The following AFF1 variants were observed in gnomAD, a reference collection of about 807,000 sequenced individuals.
AFF1 encodes the protein ALF transcription elongation factor 1.
A neutral mutation model predicts 121.7 loss-of-function variants in AFF1; 48 were observed. The ratio of observed to expected loss-of-function variants is 0.39; its 90% CI spans 0.31 to 0.50. The LOEUF (loss-of-function observed/expected upper bound fraction) is 0.50, where lower values mean the gene tolerates loss of function less well. AFF1 is among the 20% of genes least tolerant of loss of function. AFF1 has a pLI of 0.76. For missense variants in AFF1, 1,523 were observed against 1,511.7 expected, an observed-to-expected ratio of 1.01 and a Z score of -0.12; for synonymous variants, 613 against 563.0, an observed-to-expected ratio of 1.09 and a Z score of -1.26.
chr4:86,962,149 T>C lies in AFF1; in HGVS notation c.38+13578T>C, dbSNP rs1277471528. ...TATTTGGAAAAGTTATTGTTTCTTT[T>C]TTTTTTTTTTTTTTTTCCTGTCTCA... On this transcript the variant is annotated intron_variant, in intron 2 of 20. Transcript: ENST00000395146. Among the ~76,000 whole-genome samples the C allele has an allele frequency of 2.1e-5, 3 of 144,526 alleles. No individual in the cohort carries two copies. The East Asian group carries it at 6.0e-4, about 29-fold the overall frequency. 94.8% of individuals were successfully genotyped at this position (144,526 alleles called of 152,430 possible).
chr4:87,063,203 A>G (rs1720958094), intron 4 of AFF1, among the ~76,000 whole-genome samples: 1 of 140,534 alleles, frequency 7.1e-6, no homozygotes, highest in Non-Finnish European at 1.5e-5. Context: ...CGTTGTCTAA[A>G]TGTATAAGCA....
chr4:87,011,873 G>A (rs951958622), intron 2 of AFF1, among the ~76,000 whole-genome samples: 1 of 152,144 alleles, frequency 6.6e-6, no homozygotes, highest in Admixed American at 6.5e-5. Context: ...GGATGTTGTT[G>A]TTTTGGCAAA....
intron 4 of AFF1, among the ~76,000 whole-genome samples, chr4:87,048,489 ACTTAT>A (rs1450091429): frequency 6.6e-6 from 1 of 152,210 alleles, no homozygotes; most frequent in Non-Finnish European, 1.5e-5. Context: ...GAATTTTAAA[ACTTAT>A]CTTTTAATGT....
intron 5 of AFF1, among the ~76,000 whole-genome samples, chr4:87,088,775 G>GTATT (rs35756067): frequency 0.82 from 122,664 of 150,396 alleles, 50,206 homozygotes; most frequent in African/African-American, 0.89. Context: ...TTGTATTTTT[G>GTATT]TATTTATTTA....
chr4:87,011,525 G>T (rs1392568756), intron 2 of AFF1, among the ~76,000 whole-genome samples: 1 of 152,088 alleles, frequency 6.6e-6, no homozygotes, highest in South Asian at 2.1e-4. Context: ...GATTACCTTG[G>T]AAGAAAATTC....
At chr4:86,947,477 A>C (rs1720947440) in intron 1 of AFF1, among the ~76,000 whole-genome samples, 1 of 152,264 alleles carries the variant, frequency 6.6e-6, no homozygotes, top group South Asian at 2.1e-4. Context: ...GAGGCAAGTT[A>C]AAATGATTAC....
intron 12 of AFF1, among the ~76,000 whole-genome samples, chr4:87,117,371 G>A (rs1490634483): frequency 6.6e-6 from 1 of 151,950 alleles, no homozygotes; most frequent in Non-Finnish European, 1.5e-5. Context: ...ATCTGGCCTG[G>A]GGAACAGTCT....
intron 4 of AFF1, among the ~76,000 whole-genome samples, chr4:87,080,511 A>C (rs1034925640): frequency 6.6e-6 from 1 of 152,162 alleles, no homozygotes; most frequent in Admixed American, 6.5e-5. Context: ...ATTTGGCTGG[A>C]GACCCTATTG....
At chr4:87,114,268 T>C (rs1470350988) in intron 11 of AFF1, 99 bp from the exon 12 acceptor site, 1 of 1,063,404 alleles carries the variant, frequency 9.4e-7, no homozygotes, top group Non-Finnish European at 1.3e-6. Context: ...AAGTATTTGC[T>C]CCTCTGCAGG....
chr4:87,046,474 A>G (rs1730704924), intron 3 of AFF1, among the ~76,000 whole-genome samples, 188 bp downstream of exon 3: 1 of 152,226 alleles, frequency 6.6e-6, no homozygotes, highest in South Asian at 2.1e-4. Flanking sequence ...TAGAATTACC[A>G]AAGTTTGTGG....
intron 2 of AFF1, among the ~76,000 whole-genome samples, chr4:86,985,120 GTAATA>G (rs574779582): frequency 1.2e-3 from 142 of 118,198 alleles, no homozygotes; most frequent in African/African-American, 3.2e-3. Flanking sequence ...AATATTAATA[GTAATA>G]TAATATATAT....
At chr4:86,966,920 C>G (rs1722578856) in intron 2 of AFF1, among the ~76,000 whole-genome samples, 1 of 152,200 alleles carries the variant, frequency 6.6e-6, no homozygotes, top group Non-Finnish European at 1.5e-5. Context: ...CCTTTATCCC[C>G]TGGGCCTCAG....
At chr4:87,110,707 CATA>C (rs1281707199) in intron 11 of AFF1, among the ~76,000 whole-genome samples, 21 of 151,346 alleles carry the variant, frequency 1.4e-4, no homozygotes, top group Non-Finnish European at 2.9e-5. Context: ...CTATATTGTG[CATA>C]ATAATAAGCT....
At chr4:87,033,585 A>G (rs1477915486) in intron 2 of AFF1, among the ~76,000 whole-genome samples, 2 of 152,178 alleles carry the variant, frequency 1.3e-5, no homozygotes, top group African/African-American at 4.8e-5. Context: ...TTGATCTCTT[A>G]TGGGCTGTAG....
Position 87,007,122 on chromosome 4 carries a change from C to T in AFF1, c.39-39044C>T, listed in dbSNP as rs981611864. On this transcript the variant is annotated intron_variant, in intron 2 of 20. Transcript: ENST00000395146. ...AACTGCGCCGGGGGCGCTCGCTTGC[C>T]CCGGATTCGGACGCGGCGCTCCCCG... 5 of 1,269,362 alleles carry T rather than the reference C, an allele frequency of 3.9e-6. No homozygotes were observed. In the African/African-American group the frequency reaches 7.8e-5, roughly 20 times the overall value. The allele number at this position is 1,269,362 out of a possible 1,614,324, so 78.6% of individuals were successfully genotyped here. A position where few individuals can be genotyped will look rare whatever the true frequency, so the allele number is the denominator to read the frequency against.
intron 2 of AFF1, chr4:87,020,903 A>G (rs1727832606): frequency 1.1e-6 from 1 of 897,744 alleles, no homozygotes; most frequent in Non-Finnish European, 1.3e-6. Context: ...TATAGGTGAT[A>G]TTTCTTAAAA....
intron 2 of AFF1, among the ~76,000 whole-genome samples, chr4:86,958,973 A>G (rs1422862260): frequency 1.3e-5 from 2 of 152,160 alleles, no homozygotes; most frequent in African/African-American, 2.4e-5. Context: ...ACGGAGGACA[A>G]TTTTGTCTCC....
intron 2 of AFF1, among the ~76,000 whole-genome samples, chr4:86,995,582 G>A (rs1203715527): frequency 3.9e-5 from 6 of 151,946 alleles, no homozygotes; most frequent in African/African-American, 1.5e-4. Context: ...CCGAGGTGCC[G>A]GGATTGCAGA....
chr4:87,098,011 A>C (rs1474757095), intron 8 of AFF1, among the ~76,000 whole-genome samples: 1 of 152,164 alleles, frequency 6.6e-6, no homozygotes, highest in South Asian at 2.1e-4. Flanking sequence ...ATCAGAAAAA[A>C]ATTATTAATT....
Sources: allele counts gnomAD v4.1 joint callset (sites outside exome capture counted in the v4.1 genomes callset), GRCh38; gene constraint gnomAD v4.1.1; transcripts MANE v1.5; gene names NCBI Gene and HGNC (gene_info 2026-07-23, HGNC 2026-07-21).